LRP1B: variants seen among roughly 807,000 people sequenced by gnomAD.
LRP1B encodes low-density lipoprotein receptor-related protein 1B.
In LRP1B, 217 loss-of-function variants were observed where a neutral mutation model predicts 556.6. The ratio of observed to expected loss-of-function variants is 0.39; its 90% CI spans 0.35 to 0.44. The LOEUF (loss-of-function observed/expected upper bound fraction) is 0.44. Ranked by LOEUF, LRP1B falls within the 20% of genes least tolerant of loss-of-function variation. The pLI, the probability that LRP1B is intolerant of heterozygous loss-of-function variation, is 1.00. For missense variants in LRP1B, 5,053 were observed against 5,620.8 expected (o/e 0.90, Z 3.23); for synonymous variants, 2,047 against 1,865.8 (o/e 1.10, Z -2.50).
At chr2:141,221,517 G>C (rs997293970) in intron 6 of LRP1B, among the ~76,000 whole-genome samples, 1 of 148,724 alleles carries the variant, frequency 6.7e-6, no homozygotes, top group African/African-American at 2.4e-5. Flanking sequence ...AAAAATATTA[G>C]ACAGATTGAG....
intron 49 of LRP1B, among the ~76,000 whole-genome samples, chr2:140,521,908 G>A (rs1690194093): frequency 6.6e-6 from 1 of 151,764 alleles, no homozygotes; most frequent in Non-Finnish European, 1.5e-5. Flanking sequence ...AACAACAACA[G>A]TAGAAAAAAA....
At chr2:140,966,741 C>A (rs112277530) in intron 18 of LRP1B, among the ~76,000 whole-genome samples, 5,005 of 152,154 alleles carry the variant, frequency 0.033, 98 homozygotes, top group East Asian at 0.051. Context: ...GAAGGGATCC[C>A]GTTTCAGCTT....
chr2:141,024,032 C>T (rs1197067265), intron 11 of LRP1B, among the ~76,000 whole-genome samples: 1 of 152,054 alleles, frequency 6.6e-6, no homozygotes, highest in Admixed American at 6.6e-5. Flanking sequence ...ACTTGGACAA[C>T]TTTCCTGTCT....
chr2:140,514,551 T>C, intron 51 of LRP1B, 102 bp downstream of exon 51: 1 of 1,105,444 alleles, frequency 9.0e-7, no homozygotes, highest in Non-Finnish European at 1.2e-6. Flanking sequence ...ACATAAATTT[T>C]ATGTTAATTT....
intron 1 of LRP1B, among the ~76,000 whole-genome samples, chr2:141,921,686 A>C (rs1700189144): frequency 1.3e-5 from 2 of 152,052 alleles, no homozygotes; most frequent in South Asian, 4.1e-4. Flanking sequence ...TTTTACCCTA[A>C]TGCTTCTCAT....
chr2:140,773,203 G>T (rs546898594), intron 33 of LRP1B, among the ~76,000 whole-genome samples: 2 of 152,276 alleles, frequency 1.3e-5, no homozygotes, highest in South Asian at 2.1e-4. Flanking sequence ...GGTGGCTCAC[G>T]CCTGTAATCC....
At chr2:140,987,872 T>C (rs1462753137) in intron 17 of LRP1B, among the ~76,000 whole-genome samples, 2 of 151,994 alleles carry the variant, frequency 1.3e-5, no homozygotes, top group Non-Finnish European at 2.9e-5. Flanking sequence ...TAGTCCTAGC[T>C]ACTCTGGTAG....
chr2:140,252,501 G>T (rs1050219620), intron 86 of LRP1B, among the ~76,000 whole-genome samples: 2 of 151,882 alleles, frequency 1.3e-5, no homozygotes, highest in Non-Finnish European at 1.5e-5. Context: ...ACTAATAAGT[G>T]GTAGAAATAA....
chr2:140,506,771 T>C (rs1378914524), intron 53 of LRP1B, 25 bp downstream of exon 53: 1 of 1,597,930 alleles, frequency 6.3e-7, no homozygotes, highest in East Asian at 2.2e-5. Context: ...AGGAATCTCC[T>C]TCATGAAGTT....
chr2:141,008,898 T>C (rs1008038997), intron 14 of LRP1B, among the ~76,000 whole-genome samples: 2 of 151,972 alleles, frequency 1.3e-5, no homozygotes, highest in Admixed American at 6.6e-5. Context: ...ACAAATAATA[T>C]GTGAAAACAT....
intron 3 of LRP1B, among the ~76,000 whole-genome samples, chr2:141,443,427 T>C (rs1245759034): frequency 1.3e-5 from 2 of 152,202 alleles, no homozygotes; most frequent in Non-Finnish European, 2.9e-5. Context: ...AGGAGCTCTT[T>C]AGTTGAATTA....
intron 1 of LRP1B, among the ~76,000 whole-genome samples, chr2:141,812,155 G>T (rs1169341804): frequency 6.6e-6 from 1 of 152,076 alleles, no homozygotes; most frequent in Admixed American, 6.6e-5. Context: ...AATGCTAGAG[G>T]AGGAGGGCTT....
At chr2:140,267,927 G>C (rs1381237715) in intron 86 of LRP1B, among the ~76,000 whole-genome samples, 1 of 141,248 alleles carries the variant, frequency 7.1e-6, no homozygotes, top group Non-Finnish European at 1.6e-5. Context: ...ATGATACTTG[G>C]TAAGAGCAAA....
At chr2:140,760,242 T>C (rs114713910) in intron 35 of LRP1B, among the ~76,000 whole-genome samples, 57 of 152,320 alleles carry the variant, frequency 3.7e-4, no homozygotes, top group African/African-American at 1.4e-3. Context: ...TGCCCTGCTA[T>C]AGGTTTCTTG....
intron 35 of LRP1B, among the ~76,000 whole-genome samples, chr2:140,741,653 A>C (rs1343442640): frequency 6.6e-6 from 1 of 151,658 alleles, no homozygotes; most frequent in Non-Finnish European, 1.5e-5. Context: ...ATTCTCAAGT[A>C]GGCCTCTGTG....
intron 2 of LRP1B, among the ~76,000 whole-genome samples, chr2:141,649,894 T>C (rs776036938): frequency 1.3e-5 from 2 of 152,146 alleles, no homozygotes; most frequent in Non-Finnish European, 2.9e-5. Flanking sequence ...TAAAAACCAG[T>C]TGGGGCCAGG....
intron 3 of LRP1B, among the ~76,000 whole-genome samples, chr2:141,305,335 A>T (rs1434335099): frequency 6.6e-6 from 1 of 151,714 alleles, no homozygotes; most frequent in African/African-American, 2.4e-5. Context: ...GTTTTATTTT[A>T]TTTTATTTTT....
At chr2:141,500,048 G>T (rs1683656413) in intron 2 of LRP1B, among the ~76,000 whole-genome samples, 1 of 152,090 alleles carries the variant, frequency 6.6e-6, no homozygotes, top group African/African-American at 2.4e-5. Flanking sequence ...TAAAAGCAGA[G>T]CATACATTTT....
chr2:141,660,776 A>T (rs1219751499), intron 2 of LRP1B, among the ~76,000 whole-genome samples: 1 of 152,138 alleles, frequency 6.6e-6, no homozygotes, highest in East Asian at 1.9e-4. Context: ...GGCCGTCCAG[A>T]TAAGTAGAAA....
Sources: allele counts gnomAD v4.1 joint callset (sites outside exome capture counted in the v4.1 genomes callset), GRCh38; gene constraint gnomAD v4.1.1; transcripts MANE v1.5; gene names NCBI Gene and HGNC (gene_info 2026-07-23, HGNC 2026-07-21).